The following NEGR1 variants were observed in gnomAD, a reference collection of about 807,000 sequenced individuals.
The protein encoded by NEGR1 is neuronal growth regulator 1.
Under a neutral mutation model 40.9 loss-of-function variants are expected in NEGR1, and 10 were observed. The observed-to-expected ratio is 0.24, with a 90% CI of 0.15 to 0.42. The LOEUF is 0.42. Ranked by LOEUF, NEGR1 falls within the 10% of genes least tolerant of loss-of-function variation. The pLI is 1.00. For synonymous variants in NEGR1, 185 were observed against 166.8 expected, an observed-to-expected ratio of 1.11 and a Z score of -0.84; for missense variants, 352 against 438.9, an observed-to-expected ratio of 0.80 and a Z score of 1.77.
chr1:71,875,936 C>T (rs1456880121), intron 2 of NEGR1, among the ~76,000 whole-genome samples: 1 of 152,060 alleles, frequency 6.6e-6, no homozygotes, highest in African/African-American at 2.4e-5. Context: ...TGTTCTTAAA[C>T]CTGAGCTGTT....
At chr1:71,609,767 T>C (rs1650193941) in intron 5 of NEGR1, among the ~76,000 whole-genome samples, 3 of 152,098 alleles carry the variant, frequency 2.0e-5, no homozygotes, top group South Asian at 4.1e-4. Flanking sequence ...TTATGAGCCA[T>C]GACATAAGTA....
At chr1:71,981,086 A>G (rs561362434) in intron 1 of NEGR1, among the ~76,000 whole-genome samples, 91 of 152,258 alleles carry the variant, frequency 6.0e-4, no homozygotes, top group African/African-American at 2.1e-3. Context: ...AAAATTCATC[A>G]TTGTATCCCA....
intron 6 of NEGR1, among the ~76,000 whole-genome samples, chr1:71,530,258 CATTTTTTAAA>C (rs1265758765): frequency 6.6e-6 from 1 of 151,268 alleles, no homozygotes; most frequent in African/African-American, 2.4e-5. Context: ...ATTTGGATAA[CATTTTTTAAA>C]GCTTTGTTTG....
At chr1:71,511,977 A>G (rs1053791975) in intron 6 of NEGR1, among the ~76,000 whole-genome samples, 3 of 152,236 alleles carry the variant, frequency 2.0e-5, no homozygotes, top group Non-Finnish European at 4.4e-5. Context: ...CTGAAAACTT[A>G]GGCAGATTTG....
intron 2 of NEGR1, among the ~76,000 whole-genome samples, chr1:71,824,882 C>A (rs1169466880): frequency 6.6e-6 from 1 of 151,944 alleles, no homozygotes; most frequent in Non-Finnish European, 1.5e-5. Flanking sequence ...GAATAATCAA[C>A]AATTTACCCA....
chr1:72,261,910 A>G (rs1655470659), intron 1 of NEGR1, among the ~76,000 whole-genome samples: 2 of 152,098 alleles, frequency 1.3e-5, no homozygotes, highest in Non-Finnish European at 2.9e-5. Flanking sequence ...CCTATTAGGT[A>G]CAATGTACTT....
intron 1 of NEGR1, among the ~76,000 whole-genome samples, chr1:72,150,769 G>A (rs190973172): frequency 2.2e-4 from 33 of 152,200 alleles, no homozygotes; most frequent in African/African-American, 6.7e-4. Context: ...TCTATAATAT[G>A]AGATTCCAGC....
chr1:71,434,743 T>C (rs562386189), intron 6 of NEGR1, among the ~76,000 whole-genome samples: 4 of 152,330 alleles, frequency 2.6e-5, no homozygotes, highest in Admixed American at 2.6e-4. Context: ...TGTGGTTGGC[T>C]GCCACTTCAA....
chr1:71,645,958 A>G (rs1318590447), intron 4 of NEGR1, among the ~76,000 whole-genome samples: 1 of 151,776 alleles, frequency 6.6e-6, no homozygotes, highest in African/African-American at 2.4e-5. Context: ...AAGAATAATT[A>G]CATCTCAGAA....
At chr1:71,855,371 TG>T (rs1380489866) in intron 2 of NEGR1, among the ~76,000 whole-genome samples, 4 of 151,258 alleles carry the variant, frequency 2.6e-5, no homozygotes, top group Admixed American at 2.6e-4. Context: ...ATGGAATAAA[TG>T]AATCTGAAGT....
chr1:71,847,216 C>G (rs1029577819), intron 2 of NEGR1, among the ~76,000 whole-genome samples: 18 of 152,120 alleles, frequency 1.2e-4, no homozygotes, highest in African/African-American at 4.1e-4. Flanking sequence ...TTGAGATGAA[C>G]TGTTCAGACT....
chr1:71,556,721 A>G (rs34658641), intron 6 of NEGR1, among the ~76,000 whole-genome samples: 1 of 151,602 alleles, frequency 6.6e-6, no homozygotes, highest in East Asian at 2.0e-4. Context: ...AAAATAAAAC[A>G]CAAAGAAAGA....
intron 1 of NEGR1, among the ~76,000 whole-genome samples, chr1:72,241,351 A>T (rs953839769): frequency 7.7e-6 from 1 of 130,176 alleles, no homozygotes; most frequent in Non-Finnish European, 1.7e-5. Context: ...GATACCTGAT[A>T]TTCCCTGTCC....
intron 4 of NEGR1, among the ~76,000 whole-genome samples, chr1:71,660,853 C>T (rs112975700): frequency 0.064 from 9,770 of 152,206 alleles, 419 homozygotes; most frequent in Non-Finnish European, 0.096. Flanking sequence ...CTCTCCTAGC[C>T]CCCTACTACC....
chr1:71,691,343 G>GT (rs959867629), intron 4 of NEGR1, among the ~76,000 whole-genome samples: 25 of 151,082 alleles, frequency 1.7e-4, no homozygotes, highest in South Asian at 2.1e-4. Context: ...TTAATTCTTA[G>GT]TTTTTTTTCA....
intron 4 of NEGR1, among the ~76,000 whole-genome samples, chr1:71,633,023 A>G (rs1439947175): frequency 6.6e-6 from 1 of 152,104 alleles, no homozygotes; most frequent in Non-Finnish European, 1.5e-5. Flanking sequence ...AGTAGATATA[A>G]CTGCATATGT....
intron 1 of NEGR1, among the ~76,000 whole-genome samples, chr1:72,076,869 T>C (rs1300714438): frequency 6.6e-6 from 1 of 150,598 alleles, no homozygotes; most frequent in African/African-American, 2.4e-5. Flanking sequence ...CAAGAAAATG[T>C]GTGCTTTTTT....
At chr1:72,013,819 T>C (rs2100406866) in intron 1 of NEGR1, among the ~76,000 whole-genome samples, 1 of 145,286 alleles carries the variant, frequency 6.9e-6, no homozygotes, top group East Asian at 2.3e-4. Flanking sequence ...TGACATTTAG[T>C]ACTTAATTAA....
At chr1:71,888,494 T>C (rs1660802056) in intron 2 of NEGR1, among the ~76,000 whole-genome samples, 1 of 151,772 alleles carries the variant, frequency 6.6e-6, no homozygotes, top group African/African-American at 2.4e-5. Context: ...CACCCGAATA[T>C]TGCGATTTTC....
Sources: allele counts gnomAD v4.1 joint callset (sites outside exome capture counted in the v4.1 genomes callset), GRCh38; gene constraint gnomAD v4.1.1; transcripts MANE v1.5; gene names NCBI Gene and HGNC (gene_info 2026-07-23, HGNC 2026-07-21).